The following NR2C2 variants were observed in gnomAD, a reference collection of about 807,000 sequenced individuals.
NR2C2 encodes the protein nuclear receptor subfamily 2 group C member 2.
A neutral mutation model predicts 62.9 loss-of-function variants in NR2C2; 6 were observed. That is an observed-to-expected ratio of 0.10 (90% CI 0.05 to 0.19). The LOEUF (loss-of-function observed/expected upper bound fraction) is 0.19, where lower values mean the gene tolerates loss of function less well. Ranked by LOEUF, NR2C2 falls within the 10% of genes least tolerant of loss-of-function variation. The probability of loss-of-function intolerance (pLI) is 1.00; values close to 1 mark genes in which losing one functional copy is unlikely to be tolerated. For synonymous variants in NR2C2, 272 were observed against 273.8 expected, an observed-to-expected ratio of 0.99 and a Z score of 0.07; for missense variants, 479 against 762.7, an observed-to-expected ratio of 0.63 and a Z score of 4.38.
chr3:14,969,135 G>GTAATAA (rs1387522754), intron 1 of NR2C2, among the ~76,000 whole-genome samples: 8 of 148,838 alleles, frequency 5.4e-5, no homozygotes, highest in Non-Finnish European at 8.9e-5. Flanking sequence ...TTAAAGTATA[G>GTAATAA]TAATAATAAA....
At chr3:15,002,577 C>T (rs1438435369) in intron 1 of NR2C2, among the ~76,000 whole-genome samples, 1 of 150,222 alleles carries the variant, frequency 6.7e-6, no homozygotes, top group Non-Finnish European at 1.5e-5. Context: ...GTAATATTGG[C>T]CTCACAGAAT....
intron 1 of NR2C2, among the ~76,000 whole-genome samples, chr3:14,980,210 G>A (rs1256521616): frequency 1.3e-5 from 2 of 151,932 alleles, no homozygotes; most frequent in African/African-American, 4.8e-5. Context: ...AAGAGCAGAG[G>A]TGTGATCACA....
intron 1 of NR2C2, among the ~76,000 whole-genome samples, chr3:14,993,906 C>T (rs1231548609): frequency 6.6e-6 from 1 of 152,110 alleles, no homozygotes; most frequent in Non-Finnish European, 1.5e-5. Context: ...TTAAACTGTA[C>T]CTCAGGCAAG....
At chr3:15,004,737 TTTC>T in intron 2 of NR2C2, 1 of 1,195,842 alleles carries the variant, frequency 8.4e-7, no homozygotes. Flanking sequence ...TTTCTCTGTT[TTTC>T]TTCTTGCAGT....
chr3:14,965,506 CTGT>C (rs2039815808), intron 1 of NR2C2, among the ~76,000 whole-genome samples: 1 of 114,912 alleles, frequency 8.7e-6, no homozygotes, highest in Admixed American at 1.2e-4. Flanking sequence ...CTTAGTACAA[CTGT>C]TGTTTCCCAT....
At chr3:14,949,197 CAAAT>C (rs2039263852) in intron 1 of NR2C2, among the ~76,000 whole-genome samples, 1 of 151,844 alleles carries the variant, frequency 6.6e-6, no homozygotes, top group Non-Finnish European at 1.5e-5. Flanking sequence ...GGTGAATAGA[CAAAT>C]AATTCCAGAG....
intron 1 of NR2C2, among the ~76,000 whole-genome samples, chr3:14,967,421 C>G (rs763990321): frequency 1.9e-4 from 29 of 151,834 alleles, no homozygotes; most frequent in Non-Finnish European, 3.4e-4. Context: ...ATATAAAAAT[C>G]AGATAGTAAA....
chr3:14,958,924 C>T (rs1446887550), intron 1 of NR2C2, among the ~76,000 whole-genome samples: 1 of 152,192 alleles, frequency 6.6e-6, no homozygotes, highest in East Asian at 1.9e-4. Flanking sequence ...TGCAGTGAGC[C>T]GAGATCGTGC....
chr3:15,040,625 G>A (rs1361855557), intron 13 of NR2C2, among the ~76,000 whole-genome samples: 1 of 152,216 alleles, frequency 6.6e-6, no homozygotes, highest in Non-Finnish European at 1.5e-5. Flanking sequence ...GTGACTGGGG[G>A]TGTCTTATGG....
chr3:15,038,876 A>G (rs543337488), intron 12 of NR2C2: 6 of 435,892 alleles, frequency 1.4e-5, no homozygotes, highest in Non-Finnish European at 2.5e-5. Flanking sequence ...GTCCAGAACC[A>G]ATCATGTGGG....
At chr3:15,030,192 G>T (rs57939784) in intron 8 of NR2C2, 83 bp from the exon 9 acceptor site, 1 of 1,200,028 alleles carries the variant, frequency 8.3e-7, no homozygotes, top group Non-Finnish European at 1.2e-6. Flanking sequence ...TCCCACTGTA[G>T]TTTTTCTAAA....
chr3:15,023,099 A>G (rs2041723520), intron 5 of NR2C2, 101 bp from the exon 6 acceptor site: 1 of 1,322,396 alleles, frequency 7.6e-7, no homozygotes. Context: ...ACCTAGCACC[A>G]GAGTCATCCT....
chr3:14,990,346 A>T (rs996681637), intron 1 of NR2C2, among the ~76,000 whole-genome samples: 5 of 152,230 alleles, frequency 3.3e-5, no homozygotes, highest in African/African-American at 1.2e-4. Context: ...AGGTGAAGGG[A>T]GAACTTTGTA....
chr3:14,979,278 A>G (rs1485142203), intron 1 of NR2C2, among the ~76,000 whole-genome samples: 1 of 152,222 alleles, frequency 6.6e-6, no homozygotes, highest in Non-Finnish European at 1.5e-5. Flanking sequence ...AAGTATTACT[A>G]TTAGTAAACC....
At chr3:15,035,834 C>G (rs1275819842) in intron 11 of NR2C2, among the ~76,000 whole-genome samples, 1 of 152,268 alleles carries the variant, frequency 6.6e-6, no homozygotes, top group East Asian at 1.9e-4. Flanking sequence ...CGAAACCAGC[C>G]TGGGCAACAT....
chr3:14,956,425 A>G (rs1400249835), intron 1 of NR2C2, among the ~76,000 whole-genome samples: 1 of 152,162 alleles, frequency 6.6e-6, no homozygotes, highest in East Asian at 1.9e-4. Flanking sequence ...GTTATTAGGT[A>G]TTGGTTTATT....
chr3:15,034,539 T>C, intron 10 of NR2C2, 131 bp from the exon 11 acceptor site: 1 of 817,360 alleles, frequency 1.2e-6, no homozygotes, highest in Non-Finnish European at 1.9e-6. Flanking sequence ...AGAATGATCC[T>C]GGATAGCACT....
chr3:15,038,075 C>T lies in NR2C2; in HGVS notation c.1448C>T (p.Ala483Val), dbSNP rs759765096. The T allele has an allele frequency of 4.3e-6, 7 of 1,614,008 alleles. No individual in the cohort carries two copies. Among genetic ancestry groups the T allele is most frequent in the East Asian group, 2.2e-5 (1 of 44,876 alleles). The change falls in exon 12 of 14, where the codon GCG becomes GTG. Residue 483 changes from alanine to valine, a missense_variant. Around this residue, in one of 4 missense-constraint regions of NR2C2, gnomAD observed 162 missense variants for 296.8 expected, o/e 0.55. Coordinates refer to ENST00000425241, the MANE Select transcript of NR2C2 (RefSeq NM_001291694.2). ...CTGCAGGAGTTCTGTAACAGCATGGCGAAGCTGGATATAGATGGCTATGAG... is the reference window on the plus strand; with the variant it reads ...CTGCAGGAGTTCTGTAACAGCATGGTGAAGCTGGATATAGATGGCTATGAG... ...WKLQEFCNSMAKLDIDGYEYA... is the reference protein window; with the variant it reads ...WKLQEFCNSMVKLDIDGYEYA...
intron 10 of NR2C2, among the ~76,000 whole-genome samples, chr3:15,033,639 C>CTTTTT (rs58524753): frequency 5.9e-5 from 5 of 84,818 alleles, no homozygotes; most frequent in Non-Finnish European, 1.1e-4. Context: ...TAACCTCAGG[C>CTTTTT]TTTTTTTTTT....
Sources: gnomAD v4.1 joint callset for allele counts (sites outside exome capture counted in the v4.1 genomes callset) on GRCh38, gnomAD v4.1.1 for gene constraint, gnomAD v4.1.1 regional missense constraint, MANE v1.5 for transcripts, NCBI Gene and HGNC (gene_info 2026-07-23, HGNC 2026-07-21) for gene names.